LANCL3: variants seen among roughly 807,000 people sequenced by gnomAD.
LANCL3 encodes the protein lanC-like protein 3.
Under a neutral mutation model 26.5 loss-of-function variants are expected in LANCL3, and 19 were observed. The observed-to-expected ratio is 0.72, with a 90% confidence interval of 0.50 to 1.05. The LOEUF is 1.05. Among genes scored for constraint, LANCL3 ranks in the 50% least tolerant of loss-of-function variants. The probability of loss-of-function intolerance (pLI) is 0.00; values close to 1 mark genes in which losing one functional copy is unlikely to be tolerated. For synonymous variants in LANCL3, 160 were observed against 166.6 expected, an observed-to-expected ratio of 0.96 and a Z score of 0.30; for missense variants, 318 against 362.7, an observed-to-expected ratio of 0.88 and a Z score of 1.00.
intron 1 of LANCL3, among the ~76,000 whole-genome samples, chrX:37,632,485 A>T (rs1556424577): frequency 9.0e-6 from 1 of 110,674 alleles, no homozygotes; most frequent in East Asian, 2.8e-4. Flanking sequence ...TGTGAATTTG[A>T]TCCTGTCATT....
At chrX:37,586,869 C>T (rs782647268) in intron 1 of LANCL3, among the ~76,000 whole-genome samples, 17 of 89,275 alleles carry the variant, frequency 1.9e-4, no homozygotes, top group East Asian at 2.9e-4. Flanking sequence ...GGAGGAGAGG[C>T]GCTCGATTTT....
At chrX:37,628,529 G>A (rs1303439166) in intron 1 of LANCL3, among the ~76,000 whole-genome samples, 1 of 106,131 alleles carries the variant, frequency 9.4e-6, no homozygotes, top group Non-Finnish European at 1.9e-5. Context: ...CATGTGCCAT[G>A]CTGGTGTGCT....
At chrX:37,623,454 C>G (rs1431217968) in intron 1 of LANCL3, among the ~76,000 whole-genome samples, 2 of 111,811 alleles carry the variant, frequency 1.8e-5, no homozygotes, top group African/African-American at 3.2e-5. Context: ...AGGTCATTCT[C>G]TGTCTACTGA....
At chrX:37,669,942 A>G (rs1208279994) in intron 4 of LANCL3, among the ~76,000 whole-genome samples, 4 of 112,289 alleles carry the variant, frequency 3.6e-5, no homozygotes, top group Admixed American at 9.4e-5. Context: ...TTTTTAAGGG[A>G]CATTCTTTAT....
chrX:37,599,221 G>A (rs782336718), intron 1 of LANCL3, among the ~76,000 whole-genome samples: 5 of 111,684 alleles, frequency 4.5e-5, no homozygotes, highest in Non-Finnish European at 9.4e-5. Context: ...TAATTTCTCT[G>A]GTGATGTATC....
At chrX:37,631,447 T>C (rs1199702815) in intron 1 of LANCL3, among the ~76,000 whole-genome samples, 4 of 111,697 alleles carry the variant, frequency 3.6e-5, no homozygotes, top group Non-Finnish European at 1.9e-5. Flanking sequence ...GTGTCTCTAT[T>C]TCCTTCAGTT....
At chrX:37,591,820 G>A (rs1209242652) in intron 1 of LANCL3, among the ~76,000 whole-genome samples, 2 of 108,985 alleles carry the variant, frequency 1.8e-5, no homozygotes, top group Non-Finnish European at 3.8e-5. Flanking sequence ...CTCTAAAGAA[G>A]CCTGCAGGTG....
At chrX:37,615,900 C>CAATATTATTCAA (rs2146739803) in intron 1 of LANCL3, among the ~76,000 whole-genome samples, 1 of 111,890 alleles carries the variant, frequency 8.9e-6, no homozygotes, top group African/African-American at 3.2e-5. Context: ...GATATAGAAG[C>CAATATTATTCAA]AATATTATTC....
At chrX:37,622,460 G>A (rs782352681) in intron 1 of LANCL3, among the ~76,000 whole-genome samples, 1 of 107,766 alleles carries the variant, frequency 9.3e-6, no homozygotes, top group Non-Finnish European at 1.9e-5. Context: ...ATCCTACACT[G>A]AAAAAAAAAT....
Position 37,683,976 on chromosome X carries a change from T to A in LANCL3, c.*8163T>A, listed in dbSNP as rs1190412755. 1 of 112,225 alleles carries A rather than the reference T, an allele frequency of 8.9e-6. No individual in the cohort carries two copies. The highest frequency in any genetic ancestry group is 9.5e-5 in the Admixed American group (1 of 10,551). The allele number at this position is 112,225 out of a possible 1,213,427, so 9.2% of individuals were successfully genotyped here. On this transcript the variant is annotated 3_prime_UTR_variant, in exon 5 of 5. Coordinates refer to ENST00000378619, the MANE Select transcript of LANCL3 (RefSeq NM_001170331.2). ...TCATAAGCTATAAGATATATATTAT[T>A]TTCAAGGACAAAATGGCAAATGATA...
chrX:37,578,388 C>T (rs1923808994), intron 1 of LANCL3, among the ~76,000 whole-genome samples: 1 of 112,147 alleles, frequency 8.9e-6, no homozygotes, highest in Admixed American at 9.4e-5. Flanking sequence ...TGCCATTTGG[C>T]GTCCCTTGGC....
chrX:37,636,570 A>G (rs1925711059), intron 1 of LANCL3, among the ~76,000 whole-genome samples: 1 of 112,779 alleles, frequency 8.9e-6, no homozygotes, highest in Admixed American at 9.4e-5. Context: ...TTCGCTTATT[A>G]TATGGGTAAG....
chrX:37,629,654 G>C (rs1163666066), intron 1 of LANCL3, among the ~76,000 whole-genome samples: 1 of 108,976 alleles, frequency 9.2e-6, no homozygotes, highest in Non-Finnish European at 1.9e-5. Context: ...TCCAGTTTCA[G>C]CTTTCTACAT....
chrX:37,590,013 T>G (rs1924225720), intron 1 of LANCL3, among the ~76,000 whole-genome samples: 1 of 112,729 alleles, frequency 8.9e-6, no homozygotes, highest in African/African-American at 3.2e-5. Context: ...CTTTTCTCTT[T>G]TAAAAACTGT....
chrX:37,623,995 C>T, intron 1 of LANCL3, among the ~76,000 whole-genome samples: 1 of 112,166 alleles, frequency 8.9e-6, no homozygotes, highest in Non-Finnish European at 1.9e-5. Context: ...TATAGATGTA[C>T]CACACTTCAT....
At chrX:37,589,411 G>C in intron 1 of LANCL3, among the ~76,000 whole-genome samples, 1 of 111,102 alleles carries the variant, frequency 9.0e-6, no homozygotes, top group African/African-American at 3.3e-5. Context: ...TGCTAGGAAG[G>C]GCCACTGAGA....
At chrX:37,645,004 G>A (rs1556426580) in intron 1 of LANCL3, among the ~76,000 whole-genome samples, 1 of 111,939 alleles carries the variant, frequency 8.9e-6, no homozygotes, top group Non-Finnish European at 1.9e-5. Flanking sequence ...AGATAGGTGG[G>A]GCAAACGTAA....
chrX:37,664,380 G>A, intron 3 of LANCL3, among the ~76,000 whole-genome samples: 1 of 111,565 alleles, frequency 9.0e-6, no homozygotes, highest in Non-Finnish European at 1.9e-5. Flanking sequence ...CTTTTTAAAA[G>A]CTTAACACCT....
intron 1 of LANCL3, among the ~76,000 whole-genome samples, chrX:37,583,391 T>C (rs1431068476): frequency 8.9e-6 from 1 of 112,129 alleles, no homozygotes; most frequent in Non-Finnish European, 1.9e-5. Context: ...GCATTGAATC[T>C]ATAAATTACC....
Sources: gnomAD v4.1 joint callset for allele counts (sites outside exome capture counted in the v4.1 genomes callset) on GRCh38, gnomAD v4.1.1 for gene constraint, MANE v1.5 for transcripts, NCBI Gene and HGNC (gene_info 2026-07-23, HGNC 2026-07-21) for gene names.